SLC5A10: variants seen among roughly 807,000 people sequenced by gnomAD.
The protein encoded by SLC5A10 is solute carrier family 5 member 10.
SLC5A10 carries 55 observed loss-of-function variants against 68.9 expected under a neutral mutation model. The observed-to-expected ratio is 0.80, with a 90% CI of 0.64 to 1.00. The LOEUF (loss-of-function observed/expected upper bound fraction) is 1.00, where lower values mean the gene tolerates loss of function less well. SLC5A10 is among the 50% of genes least tolerant of loss of function. SLC5A10 has a pLI of 0.00. For missense variants in SLC5A10, 732 were observed against 819.3 expected, an observed-to-expected ratio of 0.89 and a Z score of 1.30; for synonymous variants, 344 against 344.8, an observed-to-expected ratio of 1.00 and a Z score of 0.02.
intron 8 of SLC5A10, among the ~76,000 whole-genome samples, chr17:18,972,109 T>G (rs554392999): frequency 1.2e-4 from 18 of 152,316 alleles, no homozygotes; most frequent in Non-Finnish European, 2.4e-4. Flanking sequence ...GGCCCTGCCC[T>G]CAAGACCCTG....
At chr17:18,978,959 G>T in intron 9 of SLC5A10, 1 of 1,263,688 alleles carries the variant, frequency 7.9e-7, no homozygotes, top group Non-Finnish European at 1.1e-6. Context: ...AGGGCCCTGG[G>T]ATCAAGAAGT....
intron 9 of SLC5A10, among the ~76,000 whole-genome samples, chr17:19,001,372 G>A (rs1327276855): frequency 6.6e-6 from 1 of 152,160 alleles, no homozygotes; most frequent in Non-Finnish European, 1.5e-5. Flanking sequence ...TGCCTCTGAG[G>A]CCCCCACTGT....
At chr17:18,952,740 C>T (rs1216872573) in intron 1 of SLC5A10, among the ~76,000 whole-genome samples, 1 of 151,460 alleles carries the variant, frequency 6.6e-6, no homozygotes. Flanking sequence ...GCCCTGGGAA[C>T]TGGGGGTCTT....
chr17:18,975,134 C>T (rs1465326219), intron 8 of SLC5A10, among the ~76,000 whole-genome samples: 1 of 152,214 alleles, frequency 6.6e-6, no homozygotes, highest in East Asian at 1.9e-4. Flanking sequence ...AAATGCTTCT[C>T]TCCCAAGCAC....
intron 9 of SLC5A10, 117 bp downstream of exon 9, chr17:18,977,106 C>A (rs2043000015): frequency 2.8e-6 from 4 of 1,410,856 alleles, no homozygotes; most frequent in African/African-American, 1.4e-5. Flanking sequence ...GTTCCCCAAC[C>A]TGGGGAGTGG....
In SLC5A10 at chr17:18,976,940, C is replaced by A. The variant is rs199950392; in HGVS notation, c.933C>A (p.Pro311=). 6.2e-7 allele frequency: 1 copy of A among 1,613,322 alleles called. No individual in the cohort carries two copies. Among genetic ancestry groups the A allele is most frequent in the Non-Finnish European group, 8.5e-7 (1 of 1,179,832 alleles). The part of the protein sequence containing the change: ...SILASYLKML[P]MGLIIMPGMI... ...TGGCCAGCTACCTCAAGATGCTCCC[C>A]ATGGGCCTGATCATCATGCCGGGCA... is the stretch of plus-strand genomic sequence containing the variant. The change falls in exon 9 of 15, where the codon CCC becomes CCA. Residue 311 remains proline, a synonymous_variant. Transcript: ENST00000395645.
intron 5 of SLC5A10, among the ~76,000 whole-genome samples, chr17:18,964,913 C>T (rs942529373): frequency 5.3e-5 from 8 of 151,972 alleles, no homozygotes; most frequent in Admixed American, 3.3e-4. Context: ...GAGGCCGAGG[C>T]GGGTGGATCA....
At chr17:18,990,856 T>C (rs1825073824) in intron 9 of SLC5A10, among the ~76,000 whole-genome samples, 1 of 152,138 alleles carries the variant, frequency 6.6e-6, no homozygotes, top group Non-Finnish European at 1.5e-5. Context: ...AAAGGTTTCT[T>C]GGGGGCCCTT....
rs2044266973 is a variant in SLC5A10 at position 19,021,701 on chromosome 17, T to A, written c.*1270T>A. ...GGCGGGGCCTCCACAGACTCCGCCC[T>A]GTGGTGTCACACAGCTGGCAGCCAA... is the stretch of plus-strand genomic sequence containing the variant. On this transcript the variant is annotated 3_prime_UTR_variant, in exon 15 of 15. Transcript: ENST00000395645. This position sits in a 1 kb window ranked among gnomAD's most constrained non-coding sequence, Gnocchi z 4.1. 1 of 404,322 alleles carries A rather than the reference T, an allele frequency of 2.5e-6. No individual in the cohort carries two copies. Among genetic ancestry groups the A allele is most frequent in the Middle Eastern group, 6.2e-4 (1 of 1,610 alleles). The allele number at this position is 404,322 out of a possible 1,614,324, so 25.0% of individuals were successfully genotyped here.
rs906367161 is a variant in SLC5A10, at chr17:18,969,052, C to G, written c.454C>G (p.Leu152Val). 1.2e-6 allele frequency: 2 copies of G among 1,612,768 alleles called. No homozygotes were observed. Among genetic ancestry groups the G allele is most frequent in the East Asian group, 2.2e-5 (1 of 44,860 alleles). The change falls in exon 6 of 15, where the codon CTG becomes GTG. Residue 152 changes from leucine (L) to valine (V), a missense_variant and splice_region_variant. Physicochemically the swap from Leu to Val is conservative, Grantham distance 32 (BLOSUM62 1). Transcript: ENST00000395645. The part of the protein sequence containing the change: ...LLLSVFTKIS[L>V]DLYAGALFVH... ...CACACAAGGCTCTCTCCCTCCGCAG[C>G]TGGACCTGTACGCGGGGGCTCTGTT...
Position 19,019,581 on chromosome 17 carries a change from C to A in SLC5A10, c.1400C>A (p.Ala467Asp). Residue 467 changes from alanine to aspartate, a missense_variant, in exon 12 of 15, where the codon GCC (alanine) becomes GAC (aspartate). Coordinates refer to ENST00000395645, the MANE Select transcript of SLC5A10 (RefSeq NM_001042450.4). ...VFVLGVFWRR[A>D]NEQGAFWGLI... ...GTCCTGGGCGTCTTCTGGCGACGTGCCAACGAGCAGGTGGGCGTCGGCGGT... is the reference window on the plus strand; with the variant it reads ...GTCCTGGGCGTCTTCTGGCGACGTGACAACGAGCAGGTGGGCGTCGGCGGT... 6.2e-7 allele frequency: 1 copy of A among 1,611,390 alleles called. No individual in the cohort carries two copies. The highest frequency in any genetic ancestry group is 8.5e-7 in the Non-Finnish European group (1 of 1,179,842).
intron 11 of SLC5A10, among the ~76,000 whole-genome samples, chr17:19,016,132 A>G (rs756618651): frequency 3.4e-5 from 5 of 146,712 alleles, no homozygotes; most frequent in Non-Finnish European, 7.5e-5. Context: ...TGCGACCTCC[A>G]CCTCCCGGGT....
Position 18,959,473 on chromosome 17 carries a change from C to G in SLC5A10, c.289-131C>G, listed in dbSNP as rs564656101. 9.4e-6 allele frequency: 10 copies of G among 1,064,806 alleles called. No individual in the cohort carries two copies. In the East Asian group the frequency reaches 2.4e-4, roughly 26 times the overall value. 66.0% of individuals were successfully genotyped at this position (1,064,806 alleles called of 1,614,324 possible). ...GAGAGGGGAAGGAGCCACCCAGGAT[C>G]TCATGGCAAGTCAGGAGGGGCTGGG... On this transcript the variant is annotated intron_variant, in intron 3 of 14. Coordinates refer to ENST00000395645, the MANE Select transcript of SLC5A10 (RefSeq NM_001042450.4).
intron 9 of SLC5A10, among the ~76,000 whole-genome samples, chr17:19,012,115 A>G (rs1044631666): frequency 6.6e-6 from 1 of 152,214 alleles, no homozygotes; most frequent in Non-Finnish European, 1.5e-5. Flanking sequence ...TGAAAACCCC[A>G]GAAGCAGGGG....
At chr17:19,013,934 G>A (rs1484373323) in intron 10 of SLC5A10, among the ~76,000 whole-genome samples, 1 of 152,172 alleles carries the variant, frequency 6.6e-6, no homozygotes, top group Non-Finnish European at 1.5e-5. Flanking sequence ...ATCTCCATGA[G>A]CAAGACAAGG....
intron 1 of SLC5A10, chr17:18,953,676 G>A (rs2042424675): frequency 6.6e-6 from 1 of 152,606 alleles, no homozygotes; most frequent in Non-Finnish European, 1.5e-5. Flanking sequence ...GTGATTATAA[G>A]AGTAGCAGCC....
In SLC5A10 at chr17:19,020,519, C is replaced by A; in HGVS notation, c.*88C>A. 2 of 1,268,498 alleles carry A rather than the reference C, an allele frequency of 1.6e-6. No individual in the cohort carries two copies. The highest frequency in any genetic ancestry group is 2.2e-6 in the Non-Finnish European group (2 of 893,680). The allele number at this position is 1,268,498 out of a possible 1,614,324, so 78.6% of individuals were successfully genotyped here. ...GGGGATCCCGAGGCCCCAAGAGGGG[C>A]AGATTCCCCTCACAGCTGCACAGCA... On this transcript the variant is annotated 3_prime_UTR_variant, in exon 15 of 15. Coordinates refer to ENST00000395645, the MANE Select transcript of SLC5A10 (RefSeq NM_001042450.4).
At chr17:19,009,443 A>C (rs1248711176) in intron 9 of SLC5A10, among the ~76,000 whole-genome samples, 1 of 151,590 alleles carries the variant, frequency 6.6e-6, no homozygotes, top group Non-Finnish European at 1.5e-5. Flanking sequence ...TTGGTCTTGA[A>C]CTCCTGGCCT....
At chr17:19,016,563 C>A (rs2044145569) in intron 11 of SLC5A10, among the ~76,000 whole-genome samples, 1 of 152,210 alleles carries the variant, frequency 6.6e-6, no homozygotes, top group Non-Finnish European at 1.5e-5. Flanking sequence ...GAGCTCCAGG[C>A]AGCTGTCCCA....
Sources: allele counts gnomAD v4.1 joint callset (sites outside exome capture counted in the v4.1 genomes callset), GRCh38; gene constraint gnomAD v4.1.1; non-coding constraint Gnocchi (gnomAD v3.1); transcripts MANE v1.5; gene names NCBI Gene and HGNC (gene_info 2026-07-23, HGNC 2026-07-21).